Variants in CNTN5 observed in about 807,000 individuals in gnomAD.
CNTN5 encodes contactin 5.
A neutral mutation model predicts 129.1 loss-of-function variants in CNTN5; 77 were observed. That is an observed-to-expected ratio of 0.60 (90% CI 0.50 to 0.72). CNTN5 has a LOEUF of 0.72. Ranked by LOEUF, CNTN5 falls within the 30% of genes least tolerant of loss-of-function variation. The pLI is 0.00. For missense variants in CNTN5, 1,478 were observed against 1,328.8 expected (o/e 1.11, Z -1.75); for synonymous variants, 509 against 465.6 (o/e 1.09, Z -1.20).
chr11:99,670,232 C>T (rs1375727783), intron 3 of CNTN5, among the ~76,000 whole-genome samples: 2 of 152,248 alleles, frequency 1.3e-5, no homozygotes, highest in East Asian at 1.9e-4. Flanking sequence ...TGTAACCCAA[C>T]AGCATAAGGT....
At chr11:99,447,121 TG>T in intron 2 of CNTN5, among the ~76,000 whole-genome samples, 1 of 152,220 alleles carries the variant, frequency 6.6e-6, no homozygotes, top group East Asian at 1.9e-4. Context: ...ACTGACAGAC[TG>T]ATTAGCCTTG....
At chr11:100,165,277 C>CT (rs1273062622) in intron 13 of CNTN5, among the ~76,000 whole-genome samples, 12 of 151,742 alleles carry the variant, frequency 7.9e-5, no homozygotes, top group African/African-American at 2.4e-4. Flanking sequence ...GGTGCCCCTC[C>CT]TGCTTTCACT....
chr11:100,264,401 A>G (rs1003517893), intron 17 of CNTN5, among the ~76,000 whole-genome samples: 110 of 151,870 alleles, frequency 7.2e-4, no homozygotes, highest in African/African-American at 1.9e-3. Context: ...CCCCTGACAG[A>G]CCCCAGTATG....
At chr11:99,918,666 G>A (rs1949856104) in intron 7 of CNTN5, among the ~76,000 whole-genome samples, 1 of 152,100 alleles carries the variant, frequency 6.6e-6, no homozygotes, top group Non-Finnish European at 1.5e-5. Context: ...ATATAGTACA[G>A]TATATGGTAC....
At chr11:99,952,316 A>G (rs994067066) in intron 7 of CNTN5, among the ~76,000 whole-genome samples, 4 of 152,164 alleles carry the variant, frequency 2.6e-5, no homozygotes, top group African/African-American at 9.6e-5. Context: ...ATCCTATTTA[A>G]GTGTCTTCAC....
intron 13 of CNTN5, among the ~76,000 whole-genome samples, chr11:100,115,290 C>T (rs901568343): frequency 2.6e-5 from 4 of 152,114 alleles, no homozygotes; most frequent in Admixed American, 2.0e-4. Context: ...TCTTCTTATT[C>T]CCATCAACTA....
At chr11:99,068,118 G>A (rs970040202) in intron 1 of CNTN5, among the ~76,000 whole-genome samples, 3 of 152,110 alleles carry the variant, frequency 2.0e-5, no homozygotes, top group African/African-American at 7.2e-5. Context: ...GCTGAACTGT[G>A]AGTCAATTGA....
Position 99,919,265 on chromosome 11 carries a change from G to A in CNTN5, c.673+3116G>A, listed in dbSNP as rs556934468. Reference sequence around the variant, plus strand: ...CTAATCTCTCAACTTGTGTGGCGCTGTAGTTCATCTTTTTTTGCCTACTTT... The same window carrying A: ...CTAATCTCTCAACTTGTGTGGCGCTATAGTTCATCTTTTTTTGCCTACTTT... On this transcript the variant is annotated intron_variant, in intron 7 of 24. Coordinates refer to ENST00000524871, the MANE Select transcript of CNTN5 (RefSeq NM_014361.4). Among the ~76,000 whole-genome samples, 286 of 151,732 alleles carry A rather than the reference G, an allele frequency of 1.9e-3. 1 individual carries two copies. The highest frequency in any genetic ancestry group is 6.4e-3 in the African/African-American group (267 of 41,424).
chr11:99,747,260 A>G (rs1298841565), intron 3 of CNTN5, among the ~76,000 whole-genome samples: 1 of 152,062 alleles, frequency 6.6e-6, no homozygotes, highest in African/African-American at 2.4e-5. Context: ...TTGTATGTTG[A>G]TTTTGTATCC....
intron 6 of CNTN5, among the ~76,000 whole-genome samples, chr11:99,915,624 A>C (rs908407843): frequency 6.6e-6 from 1 of 152,198 alleles, no homozygotes; most frequent in African/African-American, 2.4e-5. Context: ...GCTTGGTTTT[A>C]CACATCATTC....
chr11:100,079,049 A>G (rs1944258453), intron 13 of CNTN5, among the ~76,000 whole-genome samples: 1 of 152,126 alleles, frequency 6.6e-6, no homozygotes, highest in South Asian at 2.1e-4. Context: ...AAGGGGGAAG[A>G]GTGCCTTATA....
chr11:100,184,750 CTTTTCTA>C (rs1948245497), intron 13 of CNTN5, among the ~76,000 whole-genome samples: 1 of 152,108 alleles, frequency 6.6e-6, no homozygotes, highest in South Asian at 2.1e-4. Context: ...AAAACTATTA[CTTTTCTA>C]TTTTCTAAAG....
chr11:100,160,571 A>T (rs928589979), intron 13 of CNTN5, among the ~76,000 whole-genome samples: 2 of 151,934 alleles, frequency 1.3e-5, no homozygotes, highest in Non-Finnish European at 2.9e-5. Context: ...CAGAGATACT[A>T]AATTTAGGAA....
At chr11:99,785,886 A>T (rs1177650531) in intron 3 of CNTN5, among the ~76,000 whole-genome samples, 1 of 152,144 alleles carries the variant, frequency 6.6e-6, no homozygotes, top group East Asian at 1.9e-4. Flanking sequence ...TGACAAACTC[A>T]CAGCCAATAT....
At chr11:99,852,846 A>G (rs938706856) in intron 6 of CNTN5, among the ~76,000 whole-genome samples, 3 of 152,174 alleles carry the variant, frequency 2.0e-5, no homozygotes, top group East Asian at 3.8e-4. Context: ...TACTTAATTA[A>G]TTGTCCTTAA....
At chr11:100,174,589 T>A (rs1005692093) in intron 13 of CNTN5, among the ~76,000 whole-genome samples, 1 of 152,250 alleles carries the variant, frequency 6.6e-6, no homozygotes, top group Admixed American at 6.5e-5. Context: ...AAGCCTGATA[T>A]GCCTGTGACG....
At chr11:99,937,182 G>C (rs747139626) in intron 7 of CNTN5, among the ~76,000 whole-genome samples, 5 of 152,168 alleles carry the variant, frequency 3.3e-5, no homozygotes, top group Non-Finnish European at 5.9e-5. Context: ...GAGTTCTTTA[G>C]AGCATAAAAT....
intron 1 of CNTN5, among the ~76,000 whole-genome samples, chr11:99,246,362 A>G (rs1174549677): frequency 1.3e-5 from 2 of 152,220 alleles, no homozygotes; most frequent in Non-Finnish European, 1.5e-5. Flanking sequence ...ACTGTGAGCC[A>G]GCAGACCCTG....
At chr11:99,564,648 A>G (rs1337043066) in intron 3 of CNTN5, among the ~76,000 whole-genome samples, 1 of 152,208 alleles carries the variant, frequency 6.6e-6, no homozygotes, top group Non-Finnish European at 1.5e-5. Flanking sequence ...ACTGTAGCCT[A>G]TTTTTAATAT....
Sources: gnomAD v4.1 joint callset for allele counts (sites outside exome capture counted in the v4.1 genomes callset) on GRCh38, gnomAD v4.1.1 for gene constraint, MANE v1.5 for transcripts, NCBI Gene and HGNC (gene_info 2026-07-23, HGNC 2026-07-21) for gene names.